The following C2CD5 variants were observed in gnomAD, a reference collection of about 807,000 sequenced individuals.
The protein encoded by C2CD5 is C2 calcium dependent domain containing 5.
In C2CD5, 109 loss-of-function variants were observed where a neutral mutation model predicts 130.3. The ratio of observed to expected loss-of-function variants is 0.84; its 90% confidence interval spans 0.72 to 0.98. The LOEUF (loss-of-function observed/expected upper bound fraction) is 0.98. C2CD5 is among the 50% of genes least tolerant of loss of function. The probability of loss-of-function intolerance (pLI) is 0.00; values close to 1 mark genes in which losing one functional copy is unlikely to be tolerated. For missense variants in C2CD5, 996 were observed against 1,261.8 expected (o/e 0.79, Z 3.19); for synonymous variants, 454 against 429.2 (o/e 1.06, Z -0.71).
chr12:22,525,516 TA>T (rs1950643215), intron 5 of C2CD5, 93 bp downstream of exon 5: 1 of 758,970 alleles, frequency 1.3e-6, no homozygotes, highest in Non-Finnish European at 2.4e-6. Context: ...CCAAGTACAA[TA>T]GCTTTTCTAC....
In C2CD5 at chr12:22,470,878, T is replaced by G; in HGVS notation, c.2392A>C (p.Lys798Gln). Residue 798 changes from lysine (K) to glutamine (Q), a missense_variant, in exon 21 of 27, where the codon AAA (lysine) becomes CAA (glutamine). This residue lies in a region of C2CD5 where 590 missense variants were observed against 631.4 expected (regional missense o/e 0.93). Transcript: ENST00000446597. ...TVTAVAITFD[K>Q]NQALQTTKTP... ...TTTGTGGTTTGTAAAGCCTGATTTT[T>G]GTCAAAAGTGATTGCGACTGCCGTG... is the stretch of plus-strand genomic sequence containing the variant. The G allele has an allele frequency of 1.2e-6, 2 of 1,612,800 alleles. No individual in the cohort carries two copies. Among genetic ancestry groups the G allele is most frequent in the Non-Finnish European group, 1.7e-6 (2 of 1,179,032 alleles).
At chr12:22,484,477 G>T in intron 13 of C2CD5, 1 of 388,044 alleles carries the variant, frequency 2.6e-6, no homozygotes, top group Non-Finnish European at 4.5e-6. Flanking sequence ...TATTTGTGTA[G>T]AATTTAAAGT....
chr12:22,472,879 AAT>A, intron 16 of C2CD5, 72 bp from the exon 17 acceptor site: 1 of 880,656 alleles, frequency 1.1e-6, no homozygotes, highest in Non-Finnish European at 1.9e-6. Context: ...AAGAACTATT[AAT>A]AGAGTCAAGA....
Position 22,510,853 on chromosome 12 carries a change from G to C in C2CD5, c.1038+2441C>G, listed in dbSNP as rs891159985. Among the ~76,000 whole-genome samples the C allele has an allele frequency of 3.3e-5, 5 of 152,284 alleles. No homozygotes were observed. In the South Asian group the frequency reaches 1.0e-3, roughly 32 times the overall value. ...GTCTTATTGAAAAACAAATCTGGCT[G>C]AGCACAGTGGCTCATGCCTCTAACC... On this transcript the variant is annotated intron_variant, in intron 9 of 26. Coordinates refer to ENST00000446597, the MANE Select transcript of C2CD5 (RefSeq NM_001286176.2).
chr12:22,449,905 A>C lies in C2CD5; in HGVS notation c.3025-14T>G. ...AAGACACTGTGCCTATAAGAACAACAAACAGGACAGGTTCAGTTATACTCA... is the reference window on the plus strand; with the variant it reads ...AAGACACTGTGCCTATAAGAACAACCAACAGGACAGGTTCAGTTATACTCA... On this transcript the variant is annotated splice_polypyrimidine_tract_variant and intron_variant, in intron 26 of 26. Coordinates refer to ENST00000446597, the MANE Select transcript of C2CD5 (RefSeq NM_001286176.2). The C allele has an allele frequency of 1.3e-6, 2 of 1,598,656 alleles. No individual in the cohort carries two copies. The highest frequency in any genetic ancestry group is 1.7e-6 in the Non-Finnish European group (2 of 1,167,910).
intron 9 of C2CD5, among the ~76,000 whole-genome samples, chr12:22,508,901 G>A (rs1451737237): frequency 2.1e-5 from 3 of 142,588 alleles, no homozygotes; most frequent in Non-Finnish European, 4.5e-5. Context: ...ACGGAGTCTC[G>A]CTCTGTCGCC....
intron 12 of C2CD5, among the ~76,000 whole-genome samples, chr12:22,488,415 G>A (rs1323093902): frequency 6.6e-6 from 1 of 151,628 alleles, no homozygotes; most frequent in Non-Finnish European, 1.5e-5. Flanking sequence ...AGAAAGAAAA[G>A]GCATTTTCCT....
At chr12:22,479,806 G>A (rs1167980062) in intron 14 of C2CD5, among the ~76,000 whole-genome samples, 1 of 152,084 alleles carries the variant, frequency 6.6e-6, no homozygotes, top group Non-Finnish European at 1.5e-5. Context: ...ATATCCTTAT[G>A]AGCACTTATG....
At chr12:22,480,063 G>T (rs1049961205) in intron 14 of C2CD5, among the ~76,000 whole-genome samples, 1 of 152,152 alleles carries the variant, frequency 6.6e-6, no homozygotes, top group Non-Finnish European at 1.5e-5. Context: ...GTTCATTAGT[G>T]TCCATCACTG....
rs1409683112 is a variant in C2CD5 at position 22,456,956 on chromosome 12, C to T, written c.2877+15G>A. ...GAAAATTTTTTAAAAAATGAAATAA[C>T]TTCTATAAAATTACCTCCCGAAGAG... On this transcript the variant is annotated intron_variant, in intron 25 of 26. Coordinates refer to ENST00000446597, the MANE Select transcript of C2CD5 (RefSeq NM_001286176.2). 6.7e-7 allele frequency: 1 copy of T among 1,482,254 alleles called. No individual in the cohort carries two copies. Among genetic ancestry groups the T allele is most frequent in the African/African-American group, 1.4e-5 (1 of 69,218 alleles). 91.8% of individuals were successfully genotyped at this position (1,482,254 alleles called of 1,614,324 possible). A position where few individuals can be genotyped will look rare whatever the true frequency, so the allele number is the denominator to read the frequency against.
chr12:22,517,255 A>G (rs994107837), intron 8 of C2CD5, among the ~76,000 whole-genome samples: 1 of 151,678 alleles, frequency 6.6e-6, no homozygotes, highest in African/African-American at 2.4e-5. Context: ...TAAAAATTTC[A>G]TCACTATTAA....
rs1391131570 is a variant in C2CD5 at position 22,449,111 on chromosome 12, C to A, written c.*649G>T. The A allele has an allele frequency of 1.3e-5, 2 of 152,096 alleles. No individual in the cohort carries two copies. The highest frequency in any genetic ancestry group is 2.1e-4 in the South Asian group (1 of 4,826). The allele number at this position is 152,096 out of a possible 1,614,324, so 9.4% of individuals were successfully genotyped here. A position where few individuals can be genotyped will look rare whatever the true frequency, so the allele number is the denominator to read the frequency against. On this transcript the variant is annotated 3_prime_UTR_variant, in exon 27 of 27. Transcript: ENST00000446597. ...ATTATATAATAATCTTTTCCTCCCT[C>A]CTTAGAGACAGTATTACAACTTTCA...
intron 24 of C2CD5, 59 bp from the exon 25 acceptor site, chr12:22,457,220 CCT>C: frequency 8.5e-7 from 1 of 1,181,674 alleles, no homozygotes; most frequent in Non-Finnish European, 1.2e-6. Context: ...ACAATTATTC[CCT>C]GAGGTTTCCA....
intron 24 of C2CD5, 39 bp from the exon 25 acceptor site, chr12:22,457,200 C>A: frequency 7.1e-7 from 1 of 1,400,766 alleles, no homozygotes; most frequent in South Asian, 1.3e-5. Flanking sequence ...TCAGAACAGA[C>A]GCTGGTAACA....
intron 2 of C2CD5, among the ~76,000 whole-genome samples, chr12:22,535,913 T>G (rs1007069329): frequency 5.9e-5 from 9 of 152,150 alleles, no homozygotes; most frequent in African/African-American, 2.2e-4. Flanking sequence ...AAGCTAGCAA[T>G]TCTACTTCTT....
Position 22,453,082 on chromosome 12 carries a change from T to C in C2CD5, c.3024+814A>G, listed in dbSNP as rs376543914. Among the ~76,000 whole-genome samples the C allele has an allele frequency of 6.6e-5, 10 of 152,314 alleles. No homozygotes were observed. The East Asian group carries it at 1.7e-3, about 26-fold the overall frequency. On this transcript the variant is annotated intron_variant, in intron 26 of 26. Transcript: ENST00000446597. ...TGTACAGGTAGGGGCAAAAAATATA[T>C]ATACATATACACATCTATTCATTCT...
At chr12:22,472,539 T>A (rs899800418) in intron 17 of C2CD5, 192 bp from the exon 18 acceptor site, 63 of 620,922 alleles carry the variant, frequency 1.0e-4, no homozygotes, top group Admixed American at 9.5e-5. Context: ...TGTATAAATA[T>A]AAAAGGACTA....
chr12:22,449,752 A>C lies in C2CD5; in HGVS notation c.*8T>G. ...TCATTTAGTTGAGCTCTTTTTTCCT[A>C]ATTTTCCTCAGGTTGTAACTTCGCC... is the stretch of plus-strand genomic sequence containing the variant. On this transcript the variant is annotated 3_prime_UTR_variant, in exon 27 of 27. Transcript: ENST00000446597. 6.4e-7 allele frequency: 1 copy of C among 1,566,392 alleles called. No homozygotes were observed. The highest frequency in any genetic ancestry group is 8.7e-7 in the Non-Finnish European group (1 of 1,146,118).
Position 22,523,637 on chromosome 12 carries a change from G to A in C2CD5, c.602-13C>T. The A allele has an allele frequency of 6.2e-7, 1 of 1,601,604 alleles. No homozygotes were observed. On this transcript the variant is annotated splice_polypyrimidine_tract_variant and intron_variant, in intron 6 of 26. Coordinates refer to ENST00000446597, the MANE Select transcript of C2CD5 (RefSeq NM_001286176.2). The stretch of plus-strand genomic sequence containing the variant: ...CTCTGCAGCTCACCTACAAAACATG[G>A]GAAATCTCATTCTTGCTTTGTAGCT...
Sources: gnomAD v4.1 joint callset for allele counts (sites outside exome capture counted in the v4.1 genomes callset) on GRCh38, gnomAD v4.1.1 for gene constraint, gnomAD v4.1.1 regional missense constraint, MANE v1.5 for transcripts, NCBI Gene and HGNC (gene_info 2026-07-23, HGNC 2026-07-21) for gene names.